RBFOX1: variants seen among roughly 807,000 people sequenced by gnomAD.
The protein encoded by RBFOX1 is RNA binding protein fox-1 homolog 1.
RBFOX1 carries 8 observed loss-of-function variants against 57.7 expected under a neutral mutation model. That is an observed-to-expected ratio of 0.14 (90% confidence interval 0.08 to 0.25). The LOEUF (loss-of-function observed/expected upper bound fraction) is 0.25. Ranked by LOEUF, RBFOX1 falls within the 10% of genes least tolerant of loss-of-function variation. The pLI is 1.00. For synonymous variants in RBFOX1, 326 were observed against 222.4 expected (o/e 1.47, Z -4.15); for missense variants, 611 against 548.5 (o/e 1.11, Z -1.14).
At chr16:6,295,804 G>A (rs777839078) in intron 1 of RBFOX1, among the ~76,000 whole-genome samples, 3 of 152,182 alleles carry the variant, frequency 2.0e-5, no homozygotes, top group African/African-American at 4.8e-5. Flanking sequence ...AAATGTGAAG[G>A]TTACTCCAGA....
At chr16:6,643,274 A>T (rs924124054) in intron 2 of RBFOX1, among the ~76,000 whole-genome samples, 10 of 152,186 alleles carry the variant, frequency 6.6e-5, no homozygotes, top group Non-Finnish European at 1.5e-4. Context: ...ATTTGCTCCC[A>T]TCTGCTGGCC....
Position 7,642,029 on chromosome 16 carries a change from G to A in RBFOX1, c.757+11346G>A, listed in dbSNP as rs567241668. Among the ~76,000 whole-genome samples the A allele has an allele frequency of 4.6e-5, 7 of 152,260 alleles. No homozygotes were observed. The South Asian group carries it at 1.0e-3, about 23-fold the overall frequency. On this transcript the variant is annotated intron_variant, in intron 11 of 15. Transcript: ENST00000550418. Reference sequence around the variant, plus strand: ...ACTGGAAGGGCTGAGGTGGGAGGATGACTTGAGCCCAGGAGTTTGAGATTG... The same window carrying A: ...ACTGGAAGGGCTGAGGTGGGAGGATAACTTGAGCCCAGGAGTTTGAGATTG...
At chr16:5,502,619 G>A (rs1485165114) in intron 2 of RBFOX1, among the ~76,000 whole-genome samples, 2 of 152,206 alleles carry the variant, frequency 1.3e-5, no homozygotes, top group Non-Finnish European at 2.9e-5. Flanking sequence ...TCAGGTCCAA[G>A]GCGCCTCCAG....
chr16:6,720,244 A>C (rs1056717602), intron 3 of RBFOX1, among the ~76,000 whole-genome samples: 1 of 151,956 alleles, frequency 6.6e-6, no homozygotes, highest in Non-Finnish European at 1.5e-5. Context: ...CTGAATGTTC[A>C]AGAAAAAAAA....
chr16:5,647,258 C>T (rs943818762), intron 3 of RBFOX1, among the ~76,000 whole-genome samples: 4 of 152,162 alleles, frequency 2.6e-5, no homozygotes, highest in African/African-American at 4.8e-5. Context: ...GTCATTCACC[C>T]AGGGCCATGG....
chr16:6,964,592 T>C (rs1332083751), intron 3 of RBFOX1, among the ~76,000 whole-genome samples: 1 of 152,180 alleles, frequency 6.6e-6, no homozygotes, highest in Non-Finnish European at 1.5e-5. Context: ...TTGCTGAATT[T>C]TCTGTGAACC....
At position 5,952,055 on chromosome 16, in the gene RBFOX1, A is replaced by G. The variant is rs148804967; in HGVS notation, c.351+84720A>G. On this transcript the variant is annotated intron_variant, in intron 4 of 19. Coordinates refer to the RBFOX1 transcript ENST00000641259. ...TATATATAGACATACACATATATAC[A>G]CACACATCTATATAAATATATGTGT... is the stretch of plus-strand genomic sequence containing the variant. Among the ~76,000 whole-genome samples the G allele has an allele frequency of 1.9e-4, 28 of 151,130 alleles. 1 individual carries two copies. In the East Asian group the frequency reaches 4.9e-3, roughly 26 times the overall value.
At chr16:6,605,303 C>G (rs976471793) in intron 2 of RBFOX1, among the ~76,000 whole-genome samples, 15 of 152,152 alleles carry the variant, frequency 9.9e-5, no homozygotes, top group Admixed American at 2.6e-4. Context: ...CAAATAGCAT[C>G]TATACTTCAC....
intron 1 of RBFOX1, among the ~76,000 whole-genome samples, chr16:6,099,772 A>G (rs967439130): frequency 6.6e-6 from 1 of 152,212 alleles, no homozygotes; most frequent in African/African-American, 2.4e-5. Context: ...GAAATAAGAC[A>G]AATAAAATAA....
chr16:6,724,148 G>A (rs2066603609), intron 3 of RBFOX1, among the ~76,000 whole-genome samples: 2 of 152,036 alleles, frequency 1.3e-5, no homozygotes, highest in African/African-American at 2.4e-5. Context: ...TTATAAAAGA[G>A]GCTTTACAGA....
intron 2 of RBFOX1, among the ~76,000 whole-genome samples, chr16:6,635,499 C>T (rs866298556): frequency 2.6e-5 from 4 of 151,686 alleles, no homozygotes; most frequent in Non-Finnish European, 2.9e-5. Flanking sequence ...GATAATTGGG[C>T]GAACAGAGGG....
At chr16:7,081,650 C>G (rs763793781) in intron 4 of RBFOX1, among the ~76,000 whole-genome samples, 3 of 152,104 alleles carry the variant, frequency 2.0e-5, no homozygotes, top group Admixed American at 1.3e-4. Flanking sequence ...TTGTATATCT[C>G]AAGAGTTGGG....
At chr16:5,291,056 G>A (rs1386889201) in intron 1 of RBFOX1, among the ~76,000 whole-genome samples, 1 of 152,166 alleles carries the variant, frequency 6.6e-6, no homozygotes, top group Non-Finnish European at 1.5e-5. Flanking sequence ...GCAAGCGAGA[G>A]AATCAGGAAA....
chr16:7,581,002 G>T (rs1326499408), intron 6 of RBFOX1, among the ~76,000 whole-genome samples: 1 of 151,172 alleles, frequency 6.6e-6, no homozygotes, highest in African/African-American at 2.5e-5. Flanking sequence ...TAGCCAAGTT[G>T]GTGGTGTCTC....
intron 3 of RBFOX1, among the ~76,000 whole-genome samples, chr16:6,863,883 T>C (rs1189563352): frequency 6.6e-6 from 1 of 151,836 alleles, no homozygotes; most frequent in Non-Finnish European, 1.5e-5. Flanking sequence ...TTTGAATGTT[T>C]ATTAAACAGT....
chr16:7,634,359 C>CATGGATCTTT (rs2061433080), intron 11 of RBFOX1, among the ~76,000 whole-genome samples: 1 of 150,800 alleles, frequency 6.6e-6, no homozygotes. Flanking sequence ...TTTTTTCCTC[C>CATGGATCTTT]ATGGATCTTT....
intron 4 of RBFOX1, among the ~76,000 whole-genome samples, chr16:7,201,728 A>C (rs1346674229): frequency 6.6e-6 from 1 of 152,054 alleles, no homozygotes; most frequent in African/African-American, 2.4e-5. Flanking sequence ...CTCCCAAAGT[A>C]CTGGGACTAC....
At chr16:7,304,232 G>C (rs2096114387) in intron 4 of RBFOX1, 1 of 983,884 alleles carries the variant, frequency 1.0e-6, no homozygotes, top group Non-Finnish European at 1.2e-6. Context: ...GAGAGAGAGA[G>C]AGAGAGAGAG....
chr16:5,955,366 T>TAAAATAAATA lies in RBFOX1; in HGVS notation c.351+88039_351+88040insTAAAAATAAA, dbSNP rs2059614367. Among the ~76,000 whole-genome samples, 2 of 39,390 alleles carry TAAAATAAATA rather than the reference T, an allele frequency of 5.1e-5. 1 individual carries two copies. Among genetic ancestry groups the TAAAATAAATA allele is most frequent in the Non-Finnish European group, 8.6e-5 (2 of 23,164 alleles). 25.8% of individuals were successfully genotyped at this position (39,390 alleles called of 152,430 possible). A position where few individuals can be genotyped will look rare whatever the true frequency, so the allele number is the denominator to read the frequency against. On this transcript the variant is annotated intron_variant, in intron 4 of 19. Transcript: ENST00000641259. ...TAAAATAAAATAAATAAAAATAAAA[T>TAAAATAAATA]AAAATAAAATAAAATAAAATAAAAT...
Sources: gnomAD v4.1 joint callset for allele counts (sites outside exome capture counted in the v4.1 genomes callset) on GRCh38, gnomAD v4.1.1 for gene constraint, MANE v1.5 for transcripts, NCBI Gene and HGNC (gene_info 2026-07-23, HGNC 2026-07-21) for gene names.